Variants in NBAS observed in about 807,000 individuals in gnomAD.
NBAS encodes the protein NBAS subunit of NRZ tethering complex.
In NBAS, 219 loss-of-function variants were observed where a neutral mutation model predicts 302.5. The observed-to-expected ratio is 0.72, with a 90% CI of 0.65 to 0.81. NBAS has a LOEUF of 0.81. NBAS is among the 30% of genes least tolerant of loss of function. The probability of loss-of-function intolerance (pLI) is 0.00; values close to 1 mark genes in which losing one functional copy is unlikely to be tolerated. For missense variants in NBAS, 2,932 were observed against 2,841.6 expected, an observed-to-expected ratio of 1.03 and a Z score of -0.72; for synonymous variants, 1,118 against 1,021.6, an observed-to-expected ratio of 1.09 and a Z score of -1.80.
chr2:15,092,905 C>T, the NBAS span, among the ~76,000 whole-genome samples: 1 of 152,154 alleles, frequency 6.6e-6, no homozygotes, highest in African/African-American at 2.4e-5. Context: ...GAAGAAGAAG[C>T]AAGACAAATT....
Position 15,458,261 on chromosome 2 carries a change from T to C in NBAS, c.2339+2940A>G, listed in dbSNP as rs1377681685. ...TAGGGAAAGGAGTACCTTATAGAAATCCTCCTAGAAGAGGTTATGCCTGAA... is the reference window on the plus strand; with the variant it reads ...TAGGGAAAGGAGTACCTTATAGAAACCCTCCTAGAAGAGGTTATGCCTGAA... On this transcript the variant is annotated intron_variant, in intron 21 of 51. Coordinates refer to ENST00000281513, the MANE Select transcript of NBAS (RefSeq NM_015909.4). Among the ~76,000 whole-genome samples the C allele has an allele frequency of 2.6e-5, 4 of 152,222 alleles. No homozygotes were observed. The South Asian group carries it at 6.2e-4, about 24-fold the overall frequency.
chr2:14,988,375 C>A, the NBAS span, among the ~76,000 whole-genome samples: 3 of 152,178 alleles, frequency 2.0e-5, no homozygotes, highest in African/African-American at 7.2e-5. Context: ...ACAGACCCAT[C>A]TACTAAAAGT....
At chr2:14,871,353 C>T in the NBAS span, among the ~76,000 whole-genome samples, 1 of 151,966 alleles carries the variant, frequency 6.6e-6, no homozygotes, top group Non-Finnish European at 1.5e-5. Context: ...TGTTTTCAGA[C>T]ACAAAAGTAA....
At chr2:14,826,585 C>T in the NBAS span, among the ~76,000 whole-genome samples, 1,088 of 152,336 alleles carry the variant, frequency 7.1e-3, 21 homozygotes, top group African/African-American at 0.025. Context: ...TTTCTCATGG[C>T]AGCTCCATGC....
the NBAS span, among the ~76,000 whole-genome samples, chr2:15,034,279 AG>A: frequency 3.1e-5 from 3 of 97,956 alleles, no homozygotes; most frequent in Admixed American, 1.0e-4. Context: ...AAAGAAAGAG[AG>A]AAAGAAAGAA....
At chr2:15,127,667 T>TA in the NBAS span, among the ~76,000 whole-genome samples, 3 of 152,244 alleles carry the variant, frequency 2.0e-5, no homozygotes, top group African/African-American at 7.2e-5. Flanking sequence ...TTTTTTCTTT[T>TA]AATCACTCAC....
At chr2:15,267,051 T>G (rs1289937874) in intron 44 of NBAS, among the ~76,000 whole-genome samples, 1 of 152,240 alleles carries the variant, frequency 6.6e-6, no homozygotes, top group Non-Finnish European at 1.5e-5. Flanking sequence ...CATATCAATT[T>G]TAATATATAC....
chr2:15,519,521 T>C (rs566088270), intron 9 of NBAS, among the ~76,000 whole-genome samples: 92 of 152,216 alleles, frequency 6.0e-4, no homozygotes, highest in Middle Eastern at 3.4e-3. Flanking sequence ...CTCACTGCAG[T>C]GTACCTCCCA....
At chr2:15,122,010 T>C in the NBAS span, among the ~76,000 whole-genome samples, 1 of 152,176 alleles carries the variant, frequency 6.6e-6, no homozygotes, top group Non-Finnish European at 1.5e-5. Context: ...GTGGTTAAGA[T>C]CTTTTGCTCT....
rs529992159 is a variant in NBAS at position 15,264,536 on chromosome 2, T to C, written c.5724+10948A>G. On this transcript the variant is annotated intron_variant, in intron 44 of 51. Coordinates refer to ENST00000281513, the MANE Select transcript of NBAS (RefSeq NM_015909.4). The stretch of plus-strand genomic sequence containing the variant: ...TTTTCCAAGCACAGAGAAGGAGTTT[T>C]CAGCTTGCCAGTCAGGCCAGTTAAT... Among the ~76,000 whole-genome samples, 15 of 152,288 alleles carry C rather than the reference T, an allele frequency of 9.8e-5. No homozygotes were observed. The South Asian group carries it at 3.1e-3, about 32-fold the overall frequency.
At chr2:15,156,911 C>A in the NBAS span, among the ~76,000 whole-genome samples, 2 of 152,160 alleles carry the variant, frequency 1.3e-5, no homozygotes, top group Admixed American at 1.3e-4. Context: ...CTCAGTGTTT[C>A]TTAACCTTTC....
chr2:15,545,575 C>A (rs1416873005), intron 6 of NBAS, among the ~76,000 whole-genome samples: 2 of 152,054 alleles, frequency 1.3e-5, no homozygotes, highest in Non-Finnish European at 2.9e-5. Context: ...TCCACAAAAA[C>A]TGAAATAAAA....
chr2:15,477,053 C>T (rs1424531566), intron 13 of NBAS, among the ~76,000 whole-genome samples: 1 of 152,102 alleles, frequency 6.6e-6, no homozygotes, highest in Non-Finnish European at 1.5e-5. Flanking sequence ...AAGCAGAGTT[C>T]CTGGGGCTTA....
the NBAS span, among the ~76,000 whole-genome samples, chr2:14,881,016 GA>G: frequency 6.6e-6 from 1 of 151,774 alleles, no homozygotes; most frequent in African/African-American, 2.4e-5. Flanking sequence ...AAGCATGAGT[GA>G]AAAAAAGTTC....
intron 48 of NBAS, among the ~76,000 whole-genome samples, chr2:15,217,262 A>C (rs1666693686): frequency 6.6e-6 from 1 of 152,224 alleles, no homozygotes; most frequent in Admixed American, 6.5e-5. Context: ...TTTAAACTAC[A>C]ATCCACTTCA....
chr2:14,853,477 C>G, the NBAS span, among the ~76,000 whole-genome samples: 3 of 97,418 alleles, frequency 3.1e-5, no homozygotes, highest in Admixed American at 1.9e-4. Context: ...GTTGATGGGA[C>G]TGTAAACTAG....
At chr2:15,520,846 A>G (rs1295020183) in intron 9 of NBAS, among the ~76,000 whole-genome samples, 1 of 152,270 alleles carries the variant, frequency 6.6e-6, no homozygotes, top group Middle Eastern at 3.2e-3. Flanking sequence ...GGAATCAAAG[A>G]CATGAATTTA....
the NBAS span, among the ~76,000 whole-genome samples, chr2:15,138,352 C>T: frequency 2.0e-5 from 3 of 152,088 alleles, no homozygotes; most frequent in Non-Finnish European, 4.4e-5. Context: ...GTGCAGAGTC[C>T]AGGTGGTGCA....
At chr2:15,018,891 C>T in the NBAS span, among the ~76,000 whole-genome samples, 36 of 151,540 alleles carry the variant, frequency 2.4e-4, no homozygotes, top group African/African-American at 8.3e-4. Context: ...TCCAACTGAC[C>T]TTTAATCATT....
Sources: allele counts gnomAD v4.1 joint callset (sites outside exome capture counted in the v4.1 genomes callset), GRCh38; gene constraint gnomAD v4.1.1; transcripts MANE v1.5; gene names NCBI Gene and HGNC (gene_info 2026-07-23, HGNC 2026-07-21).